LAMA2: variants seen among roughly 807,000 people sequenced by gnomAD.
LAMA2 encodes the protein laminin subunit alpha 2, also known as laminin subunit alpha-2.
In LAMA2, 269 loss-of-function variants were observed where a neutral mutation model predicts 364.8. The ratio of observed to expected loss-of-function variants is 0.74; its 90% CI spans 0.67 to 0.82. The LOEUF is 0.82. Ranked by LOEUF, LAMA2 falls within the 40% of genes least tolerant of loss-of-function variation. The pLI, the probability that LAMA2 is intolerant of heterozygous loss-of-function variation, is 0.00. For missense variants in LAMA2, 3,807 were observed against 3,873.2 expected (o/e 0.98, Z 0.45); for synonymous variants, 1,379 against 1,370.6 (o/e 1.01, Z -0.14).
intron 4 of LAMA2, among the ~76,000 whole-genome samples, chr6:129,106,518 T>C (rs984198615): frequency 5.9e-5 from 9 of 152,108 alleles, no homozygotes; most frequent in African/African-American, 2.2e-4. Flanking sequence ...AATAGAAATT[T>C]AGGTAAATAA....
chr6:128,980,002 C>T (rs1782766013), intron 1 of LAMA2, among the ~76,000 whole-genome samples: 1 of 152,152 alleles, frequency 6.6e-6, no homozygotes. Flanking sequence ...CAATAATGAA[C>T]AACCCCAAAA....
intron 4 of LAMA2, among the ~76,000 whole-genome samples, chr6:129,126,572 T>C (rs1287394138): frequency 6.6e-6 from 1 of 152,170 alleles, no homozygotes; most frequent in African/African-American, 2.4e-5. Context: ...AATAAAATTG[T>C]ACTTTAAAAT....
intron 1 of LAMA2, among the ~76,000 whole-genome samples, chr6:128,949,199 C>T (rs564104786): frequency 6.6e-6 from 1 of 152,288 alleles, no homozygotes; most frequent in Admixed American, 6.5e-5. Flanking sequence ...CACGCTCATC[C>T]TCATGTGAGA....
chr6:129,485,848 G>A (rs1784558806), intron 55 of LAMA2, among the ~76,000 whole-genome samples: 1 of 152,202 alleles, frequency 6.6e-6, no homozygotes, highest in Non-Finnish European at 1.5e-5. Context: ...GAAAGGGAGA[G>A]CACGTGGCAT....
At chr6:129,342,244 T>C (rs1583535742) in intron 29 of LAMA2, 99 bp from the exon 30 acceptor site, 3 of 976,604 alleles carry the variant, frequency 3.1e-6, no homozygotes, top group East Asian at 2.5e-5. Context: ...AAAGTATATG[T>C]GTTCATAGAC....
chr6:129,174,826 T>TCTACCTAC (rs527412635), intron 9 of LAMA2, among the ~76,000 whole-genome samples: 1 of 152,106 alleles, frequency 6.6e-6, no homozygotes, highest in Non-Finnish European at 1.5e-5. Context: ...TTTCGATCTA[T>TCTACCTAC]CTACCTACCT....
intron 32 of LAMA2, among the ~76,000 whole-genome samples, chr6:129,354,622 A>G (rs1314845802): frequency 1.3e-5 from 2 of 152,184 alleles, no homozygotes; most frequent in Non-Finnish European, 2.9e-5. Flanking sequence ...CAGTCCTTGA[A>G]TTATTAATCA....
intron 3 of LAMA2, among the ~76,000 whole-genome samples, chr6:129,070,101 C>T (rs17782500): frequency 0.12 from 18,019 of 151,984 alleles, 1,113 homozygotes; most frequent in Middle Eastern, 0.14. Flanking sequence ...ATGACTTATG[C>T]GTTGGTACAT....
chr6:129,422,771 G>A (rs1421388295), intron 40 of LAMA2, among the ~76,000 whole-genome samples: 1 of 151,972 alleles, frequency 6.6e-6, no homozygotes, highest in African/African-American at 2.4e-5. Flanking sequence ...AATATTTAAT[G>A]AAGAAATAAT....
At chr6:128,929,777 A>G (rs1779338177) in intron 1 of LAMA2, 5 of 1,081,218 alleles carry the variant, frequency 4.6e-6, no homozygotes, top group South Asian at 2.5e-5. Flanking sequence ...TAAAACCACA[A>G]CTGTCTCCTG....
intron 34 of LAMA2, among the ~76,000 whole-genome samples, chr6:129,382,316 A>T (rs1778737195): frequency 6.6e-6 from 1 of 152,242 alleles, no homozygotes; most frequent in Non-Finnish European, 1.5e-5. Context: ...TTTTAAAGAA[A>T]CAATGTTATA....
At chr6:129,420,108 A>G (rs560121359) in intron 40 of LAMA2, among the ~76,000 whole-genome samples, 1 of 152,272 alleles carries the variant, frequency 6.6e-6, no homozygotes, top group Non-Finnish European at 1.5e-5. Context: ...ATATCATTGT[A>G]TATCTACTCA....
At chr6:129,353,494 A>T in intron 32 of LAMA2, 137 bp downstream of exon 32, 1 of 713,338 alleles carries the variant, frequency 1.4e-6, no homozygotes, top group Non-Finnish European at 2.4e-6. Flanking sequence ...TCTTTCTGAC[A>T]CTATCTATCC....
At chr6:129,125,056 A>G (rs547482092) in intron 4 of LAMA2, among the ~76,000 whole-genome samples, 3 of 152,336 alleles carry the variant, frequency 2.0e-5, no homozygotes, top group Admixed American at 6.5e-5. Context: ...AGTGGAACCA[A>G]TAGTATTTCC....
rs986550455 is a variant in LAMA2, at chr6:129,123,533, A to G, written c.640-20368A>G. The stretch of plus-strand genomic sequence containing the variant: ...AAGGAAAATGTGGTATATACATACA[A>G]TAGGATATTACTTAGCCTTAGAAAA... On this transcript the variant is annotated intron_variant, in intron 4 of 64. Transcript: ENST00000421865. Among the ~76,000 whole-genome samples the G allele has an allele frequency of 5.3e-5, 8 of 152,298 alleles. No individual in the cohort carries two copies. The South Asian group carries it at 6.2e-4, about 12-fold the overall frequency.
intron 1 of LAMA2, among the ~76,000 whole-genome samples, chr6:128,964,703 C>G (rs981239875): frequency 6.6e-6 from 1 of 151,902 alleles, no homozygotes; most frequent in African/African-American, 2.4e-5. Context: ...ACTTGAAATC[C>G]AAAACACATA....
chr6:128,982,275 G>A (rs1782934418), intron 1 of LAMA2, among the ~76,000 whole-genome samples: 1 of 152,084 alleles, frequency 6.6e-6, no homozygotes, highest in Non-Finnish European at 1.5e-5. Context: ...CACCAACACA[G>A]GTTTGTTGTC....
Position 129,148,976 on chromosome 6 carries a change from T to C in LAMA2, c.910-3T>C. The C allele has an allele frequency of 6.2e-7, 1 of 1,606,696 alleles. No individual in the cohort carries two copies. The highest frequency in any genetic ancestry group is 8.5e-7 in the Non-Finnish European group (1 of 1,173,296). On this transcript the variant is annotated splice_region_variant and splice_polypyrimidine_tract_variant and intron_variant, in intron 6 of 64. Transcript: ENST00000421865. ...TTTGTGCTTCCTCCCTCTTTTTGAC[T>C]AGAAATCTCGCTGTGAGTGTGAGCA...
In LAMA2 at chr6:129,486,619, G is replaced by A; in HGVS notation, c.7895G>A (p.Arg2632Lys). Residue 2632 changes from arginine to lysine, a missense_variant, in exon 56 of 65, where the codon AGA becomes AAA. By Grantham distance (26) the Arg-to-Lys change is conservative. This residue lies in a region of LAMA2 where 3,333 missense variants were observed against 3,345.7 expected (regional missense o/e 1.00). Coordinates refer to ENST00000421865, the MANE Select transcript of LAMA2 (RefSeq NM_000426.4). The stretch of plus-strand genomic sequence containing the variant: ...CATTCCGTTCATGTAGAGCGAACTA[G>A]AGGGTAACAATAGCACTAAAATATT... ...REHSVHVERT[R>K]GIFTVQVDEN... is the part of the protein sequence containing the mutation. The A allele has an allele frequency of 6.2e-7, 1 of 1,613,538 alleles. No homozygotes were observed.
Sources: allele counts gnomAD v4.1 joint callset (sites outside exome capture counted in the v4.1 genomes callset), GRCh38; gene constraint gnomAD v4.1.1; regional missense constraint gnomAD v4.1.1; transcripts MANE v1.5; gene names NCBI Gene and HGNC (gene_info 2026-07-23, HGNC 2026-07-21).